MASP1: variants seen among roughly 807,000 people sequenced by gnomAD.
MASP1 encodes mannan-binding lectin serine protease 1.
A neutral mutation model predicts 77.1 loss-of-function variants in MASP1; 59 were observed. That is an observed-to-expected ratio of 0.77 (90% CI 0.62 to 0.95). MASP1 has a LOEUF of 0.95. MASP1 is among the 40% of genes least tolerant of loss of function. The pLI is 0.00. For synonymous variants in MASP1, 362 were observed against 354.5 expected (o/e 1.02, Z -0.24); for missense variants, 885 against 912.9 (o/e 0.97, Z 0.39).
intron 2 of MASP1, among the ~76,000 whole-genome samples, chr3:187,266,890 T>G (rs1716073959): frequency 6.6e-6 from 1 of 152,182 alleles, no homozygotes; most frequent in Admixed American, 6.5e-5. Flanking sequence ...AGACAGCTAC[T>G]CTATGGAAGA....
chr3:187,223,302 T>C, intron 13 of MASP1: 2 of 927,710 alleles, frequency 2.2e-6, no homozygotes, highest in East Asian at 2.5e-5. Flanking sequence ...GACTGGATTG[T>C]TCTTCTCAGA....
chr3:187,220,279 A>T, intron 15 of MASP1: 1 of 1,611,856 alleles, frequency 6.2e-7, no homozygotes, highest in South Asian at 1.1e-5. Context: ...AAAAAGAGAC[A>T]TAGATGAAGA....
chr3:187,253,685 G>A (rs1034295880), intron 5 of MASP1, among the ~76,000 whole-genome samples: 2 of 152,188 alleles, frequency 1.3e-5, no homozygotes, highest in Non-Finnish European at 2.9e-5. Context: ...CATGTCCTTT[G>A]CAGGGACATG....
At chr3:187,247,955 T>C (rs1438170170) in intron 8 of MASP1, among the ~76,000 whole-genome samples, 1 of 152,182 alleles carries the variant, frequency 6.6e-6, no homozygotes, top group Non-Finnish European at 1.5e-5. Flanking sequence ...AAATTTTTAA[T>C]CAGCGAATTT....
chr3:187,259,446 G>A (rs1715373256), intron 4 of MASP1, among the ~76,000 whole-genome samples: 1 of 152,008 alleles, frequency 6.6e-6, no homozygotes, highest in Non-Finnish European at 1.5e-5. Context: ...TACACAGATG[G>A]ACATACAGTA....
At chr3:187,247,262 G>A in intron 8 of MASP1, 1 of 1,613,218 alleles carries the variant, frequency 6.2e-7, no homozygotes, top group South Asian at 1.1e-5. Flanking sequence ...GAGGGGTGGT[G>A]CAGCTCTGGG....
In MASP1 at chr3:187,241,468, G is replaced by A; in HGVS notation, c.1303+13C>T. On this transcript the variant is annotated intron_variant, in intron 10 of 10. Transcript: ENST00000296280. Reference sequence around the variant, plus strand: ...GGAAAACTGTGAGGCAAAGGATTTGGAGGGTGAGGTACCTGGAAGGCAGGT... The same window carrying A: ...GGAAAACTGTGAGGCAAAGGATTTGAAGGGTGAGGTACCTGGAAGGCAGGT... 6.2e-7 allele frequency: 1 copy of A among 1,612,158 alleles called. No individual in the cohort carries two copies. Among genetic ancestry groups the A allele is most frequent in the African/African-American group, 1.3e-5 (1 of 74,990 alleles).
At chr3:187,247,352 G>A in intron 8 of MASP1, 1 of 1,614,034 alleles carries the variant, frequency 6.2e-7, no homozygotes, top group South Asian at 1.1e-5. Flanking sequence ...CACTTGCTCT[G>A]ACTTGAGTTC....
intron 10 of MASP1, among the ~76,000 whole-genome samples, chr3:187,238,666 T>TA (rs1205953171): frequency 6.6e-6 from 1 of 152,112 alleles, no homozygotes. Context: ...ATGATCATGG[T>TA]AAAAAAATGG....
chr3:187,289,269 T>C (rs1483715122), intron 1 of MASP1, among the ~76,000 whole-genome samples: 2 of 152,198 alleles, frequency 1.3e-5, no homozygotes, highest in East Asian at 1.9e-4. Context: ...TTCCATACAC[T>C]GTCCGTACAC....
chr3:187,286,663 C>A (rs1406956925), intron 1 of MASP1, among the ~76,000 whole-genome samples: 1 of 152,176 alleles, frequency 6.6e-6, no homozygotes, highest in East Asian at 1.9e-4. Context: ...GCAAAAGAGA[C>A]AAGGAAAATT....
intron 2 of MASP1, among the ~76,000 whole-genome samples, chr3:187,274,277 C>T (rs1265287482): frequency 1.3e-5 from 2 of 151,978 alleles, no homozygotes; most frequent in African/African-American, 4.8e-5. Flanking sequence ...TTCCAGTTGA[C>T]AGGGCACGTT....
chr3:187,285,530 G>A (rs1461948759), intron 2 of MASP1, among the ~76,000 whole-genome samples: 1 of 151,800 alleles, frequency 6.6e-6, no homozygotes, highest in Non-Finnish European at 1.5e-5. Flanking sequence ...TGAATTAAAG[G>A]TGATCTTGGA....
In MASP1 at chr3:187,235,632, A is replaced by C. The variant is rs1156666277; in HGVS notation, c.*52T>G. ...AAGTAATGTGGAGTGTGCTGTCGGA[A>C]GTGCGGTGTAGCTTCGCTCAGGGGA... On this transcript the variant is annotated 3_prime_UTR_variant, in exon 11 of 11. Coordinates refer to ENST00000296280, the MANE Select transcript of MASP1 (RefSeq NM_139125.4). The C allele has an allele frequency of 6.2e-7, 1 of 1,610,066 alleles. No homozygotes were observed. Among genetic ancestry groups the C allele is most frequent in the East Asian group, 2.2e-5 (1 of 44,876 alleles).
downstream of MASP1, among the ~76,000 whole-genome samples, chr3:187,232,136 C>T (rs1186949974): frequency 6.6e-6 from 1 of 152,262 alleles, no homozygotes; most frequent in South Asian, 2.1e-4. Context: ...GGACTCTTAG[C>T]AGCATTGGGT....
downstream of MASP1, among the ~76,000 whole-genome samples, chr3:187,229,184 C>T (rs1442305564): frequency 6.6e-6 from 1 of 152,202 alleles, no homozygotes; most frequent in Non-Finnish European, 1.5e-5. Flanking sequence ...CTCCCACTCC[C>T]ACCCACATTC....
chr3:187,279,302 G>T (rs1205374178), intron 2 of MASP1, among the ~76,000 whole-genome samples: 1 of 152,194 alleles, frequency 6.6e-6, no homozygotes, highest in Non-Finnish European at 1.5e-5. Context: ...TATAGAGAAT[G>T]GTGGGGACCC....
At chr3:187,250,480 A>G in intron 7 of MASP1, 151 bp from the exon 8 acceptor site, 1 of 738,444 alleles carries the variant, frequency 1.4e-6, no homozygotes, top group Non-Finnish European at 2.5e-6. Flanking sequence ...GCTTGAAGGT[A>G]GGGGAAAGAT....
chr3:187,289,244 G>A (rs73191739), intron 1 of MASP1, among the ~76,000 whole-genome samples: 1,551 of 152,196 alleles, frequency 0.01, 14 homozygotes, highest in Admixed American at 0.022. Flanking sequence ...CGGCATGAAC[G>A]GCACTTGCTA....
Sources: gnomAD v4.1 joint callset for allele counts (sites outside exome capture counted in the v4.1 genomes callset) on GRCh38, gnomAD v4.1.1 for gene constraint, MANE v1.5 for transcripts, NCBI Gene and HGNC (gene_info 2026-07-23, HGNC 2026-07-21) for gene names.